Variants in HMCES observed in about 807,000 individuals in gnomAD.
The protein encoded by HMCES is abasic site processing protein HMCES.
In HMCES, 27 loss-of-function variants were observed where a neutral mutation model predicts 35.1. The observed-to-expected ratio is 0.77, with a 90% confidence interval of 0.57 to 1.06. The LOEUF (loss-of-function observed/expected upper bound fraction) is 1.06, where lower values mean the gene tolerates loss of function less well. Among genes scored for constraint, HMCES ranks in the 50% least tolerant of loss-of-function variants. The probability of loss-of-function intolerance (pLI) is 0.00; values close to 1 mark genes in which losing one functional copy is unlikely to be tolerated. For missense variants in HMCES, 391 were observed against 430.4 expected, an observed-to-expected ratio of 0.91 and a Z score of 0.81; for synonymous variants, 130 against 154.7, an observed-to-expected ratio of 0.84 and a Z score of 1.18.
At position 129,296,990 on chromosome 3, in the gene HMCES, G is replaced by A. The variant is rs565765764; in HGVS notation, c.454-1364G>A. 4.9e-3 allele frequency among the ~76,000 whole-genome samples: 742 copies of A among 152,126 alleles called. 2 individuals carry two copies. The highest frequency in any genetic ancestry group is 8.1e-3 in the South Asian group (39 of 4,808). ...CCTGACCTCGTGATCCGCCTGCCTC[G>A]GCCTCCCAAAGTGCTGGGATGACAG... On this transcript the variant is annotated intron_variant, in intron 4 of 6. Coordinates refer to ENST00000383463, the MANE Select transcript of HMCES (RefSeq NM_020187.3).
At chr3:129,293,200 G>A (rs1486071094) in intron 4 of HMCES, among the ~76,000 whole-genome samples, 2 of 152,118 alleles carry the variant, frequency 1.3e-5, no homozygotes, top group African/African-American at 2.4e-5. Context: ...AGTCATTGGT[G>A]TTTTTGTTTG....
chr3:129,296,343 G>A (rs1420394462), intron 4 of HMCES, among the ~76,000 whole-genome samples: 2 of 152,212 alleles, frequency 1.3e-5, no homozygotes, highest in African/African-American at 2.4e-5. Context: ...TTACAGGCAT[G>A]AGCCTCTGCG....
chr3:129,279,688 C>T lies in HMCES; in HGVS notation c.-23-22C>T, dbSNP rs200677437. The T allele has an allele frequency of 6.2e-7, 1 of 1,600,562 alleles. No individual in the cohort carries two copies. The highest frequency in any genetic ancestry group is 8.5e-7 in the Non-Finnish European group (1 of 1,171,770). ...AATATTTGAGATACGTAAGCCTTTT[C>T]CTTACGTTTTGTAATTTAAAGGTTG... is the stretch of plus-strand genomic sequence containing the variant. On this transcript the variant is annotated intron_variant, in intron 1 of 6. Coordinates refer to ENST00000383463, the MANE Select transcript of HMCES (RefSeq NM_020187.3). The surrounding 1 kb of genome is among the most constrained non-coding windows in gnomAD (Gnocchi z 4.2).
intron 4 of HMCES, 55 bp downstream of exon 4, chr3:129,290,859 A>C: frequency 1.3e-6 from 2 of 1,517,498 alleles, no homozygotes; most frequent in South Asian, 2.3e-5. Flanking sequence ...GAAACAAATT[A>C]ATCCAAAGGA....
Position 129,279,854 on chromosome 3 carries a change from C to CT in HMCES, c.124dup (p.Tyr42LeufsTer19). On this transcript the variant is annotated frameshift_variant, in exon 2 of 7. Coordinates refer to ENST00000383463, the MANE Select transcript of HMCES (RefSeq NM_020187.3). LOFTEE classifies it high-confidence loss of function. This position sits in a 1 kb window ranked among gnomAD's most constrained non-coding sequence, Gnocchi z 4.2. ...AGGGACCCTGATAAGTACTGCCCCT[C>CT]TTACAACAAGAGTCCTCAATCCAAC... 1 of 1,610,966 alleles carries CT rather than the reference C, an allele frequency of 6.2e-7. No individual in the cohort carries two copies. Among genetic ancestry groups the CT allele is most frequent in the Non-Finnish European group, 8.5e-7 (1 of 1,178,984 alleles).
chr3:129,295,678 T>A (rs1277837422), intron 4 of HMCES, among the ~76,000 whole-genome samples: 1 of 152,142 alleles, frequency 6.6e-6, no homozygotes, highest in Non-Finnish European at 1.5e-5. Context: ...GCTCTCATAG[T>A]TTTTTTGAGA....
In HMCES at chr3:129,305,104, T is replaced by C. The variant is rs1363025407; in HGVS notation, c.*279T>C. On this transcript the variant is annotated 3_prime_UTR_variant, in exon 7 of 7. Transcript: ENST00000383463. ...CTGGCAGGGCTGGTGGAGTCTTCCC[T>C]CAAAGCATGCCTTACCCAGCTGGGA... The C allele has an allele frequency of 6.2e-6, 3 of 487,078 alleles. No individual in the cohort carries two copies. Among genetic ancestry groups the C allele is most frequent in the Non-Finnish European group, 7.3e-6 (2 of 272,900 alleles). The allele number at this position is 487,078 out of a possible 1,614,324, so 30.2% of individuals were successfully genotyped here.
intron 2 of HMCES, among the ~76,000 whole-genome samples, chr3:129,287,139 C>T (rs568184357): frequency 9.2e-5 from 14 of 152,192 alleles, no homozygotes; most frequent in African/African-American, 3.4e-4. Context: ...ATACTGCAAG[C>T]ATGTTACTTT....
intron 4 of HMCES, among the ~76,000 whole-genome samples, chr3:129,296,015 C>T (rs2107694784): frequency 6.6e-6 from 1 of 152,054 alleles, no homozygotes; most frequent in East Asian, 1.9e-4. Context: ...CTCCATTTTT[C>T]TTTCTTTTTT....
At chr3:129,292,580 CCT>C (rs2071034633) in intron 4 of HMCES, among the ~76,000 whole-genome samples, 3 of 150,320 alleles carry the variant, frequency 2.0e-5, no homozygotes, top group Admixed American at 2.0e-4. Flanking sequence ...GCAGCCTCTG[CCT>C]CTCGGGTTCA....
chr3:129,284,183 A>T (rs1002709760), intron 2 of HMCES, among the ~76,000 whole-genome samples: 1 of 152,150 alleles, frequency 6.6e-6, no homozygotes. Context: ...TTCTTGTTTC[A>T]TCTCTTACGT....
Position 129,298,350 on chromosome 3 carries a change from C to T in HMCES, c.454-4C>T. On this transcript the variant is annotated splice_polypyrimidine_tract_variant and splice_region_variant and intron_variant, in intron 4 of 6. Coordinates refer to ENST00000383463, the MANE Select transcript of HMCES (RefSeq NM_020187.3). ...TCTAATCTGCCCATATATTTTGCTT[C>T]CAGTCAGGTAGCATTGGTGCTGCAG... 1 of 1,614,086 alleles carries T rather than the reference C, an allele frequency of 6.2e-7. No homozygotes were observed. Among genetic ancestry groups the T allele is most frequent in the Non-Finnish European group, 8.5e-7 (1 of 1,179,948 alleles).
chr3:129,280,939 G>A (rs955228039), intron 2 of HMCES, among the ~76,000 whole-genome samples: 1 of 152,148 alleles, frequency 6.6e-6, no homozygotes, highest in Non-Finnish European at 1.5e-5. Flanking sequence ...AATCGTGATT[G>A]TTGGCTGGGC....
chr3:129,280,311 C>T (rs1049480746), intron 2 of HMCES, among the ~76,000 whole-genome samples: 2 of 151,960 alleles, frequency 1.3e-5, no homozygotes, highest in Non-Finnish European at 2.9e-5. Context: ...TTTGGGAAGC[C>T]GAGGTGGGAG....
Position 129,305,925 on chromosome 3 carries a change from C to G in HMCES, c.*1100C>G, listed in dbSNP as rs1449107400. 6.6e-6 allele frequency: 1 copy of G among 152,322 alleles called. No homozygotes were observed. The highest frequency in any genetic ancestry group is 1.5e-5 in the Non-Finnish European group (1 of 68,126). 9.4% of individuals were successfully genotyped at this position (152,322 alleles called of 1,614,324 possible). A position where few individuals can be genotyped will look rare whatever the true frequency, so the allele number is the denominator to read the frequency against. On this transcript the variant is annotated 3_prime_UTR_variant, in exon 7 of 7. Transcript: ENST00000383463. ...GGTGGGGAGCCAGGTGGGGCTCCCGCCCAGACCCTTTCCCGAGGTCCGCCC... is the reference window on the plus strand; with the variant it reads ...GGTGGGGAGCCAGGTGGGGCTCCCGGCCAGACCCTTTCCCGAGGTCCGCCC...
Position 129,283,556 on chromosome 3 carries a change from T to G in HMCES, c.183+3641T>G, listed in dbSNP as rs555436042. Among the ~76,000 whole-genome samples, 176 of 152,120 alleles carry G rather than the reference T, an allele frequency of 1.2e-3. 1 individual carries two copies. The highest frequency in any genetic ancestry group is 2.1e-3 in the Non-Finnish European group (140 of 67,992). On this transcript the variant is annotated intron_variant, in intron 2 of 6. Transcript: ENST00000383463. ...TCAAGACTCTTGAGCTCAGGCCAGG[T>G]GCAGAGGCTCACACCTGTAATCTCA...
chr3:129,293,443 C>T (rs1012567787), intron 4 of HMCES, among the ~76,000 whole-genome samples: 8 of 150,710 alleles, frequency 5.3e-5, no homozygotes, highest in Non-Finnish European at 7.4e-5. Context: ...TGATTTGGTA[C>T]AAGACAAGAT....
At position 129,279,956 on chromosome 3, in the gene HMCES, G is replaced by T. The variant is rs758657147; in HGVS notation, c.183+41G>T. 4 of 1,480,504 alleles carry T rather than the reference G, an allele frequency of 2.7e-6. No individual in the cohort carries two copies. The South Asian group carries it at 4.1e-5, about 15-fold the overall frequency. 91.7% of individuals were successfully genotyped at this position (1,480,504 alleles called of 1,614,324 possible). A position where few individuals can be genotyped will look rare whatever the true frequency, so the allele number is the denominator to read the frequency against. On this transcript the variant is annotated intron_variant, in intron 2 of 6. Transcript: ENST00000383463. The surrounding 1 kb of genome is among the most constrained non-coding windows in gnomAD (Gnocchi z 4.2). ...CTATGCTAGCCCCTCGCCCAGCCTC[G>T]TGATGGTCATCTCCTATTTGGTTTG...
chr3:129,294,224 G>A (rs1053215814), intron 4 of HMCES, among the ~76,000 whole-genome samples: 2 of 151,766 alleles, frequency 1.3e-5, no homozygotes, highest in South Asian at 2.1e-4. Context: ...CAAGACCATC[G>A]TGGCTAACAG....
Sources: gnomAD v4.1 joint callset for allele counts (sites outside exome capture counted in the v4.1 genomes callset) on GRCh38, gnomAD v4.1.1 for gene constraint, Gnocchi (gnomAD v3.1) non-coding constraint, MANE v1.5 for transcripts, NCBI Gene and HGNC (gene_info 2026-07-23, HGNC 2026-07-21) for gene names.